TNS3: variants seen among roughly 807,000 people sequenced by gnomAD.
The protein encoded by TNS3 is tensin-3.
A neutral mutation model predicts 140.9 loss-of-function variants in TNS3; 45 were observed. The ratio of observed to expected loss-of-function variants is 0.32; its 90% CI spans 0.25 to 0.41. The LOEUF (loss-of-function observed/expected upper bound fraction) is 0.41. Among genes scored for constraint, TNS3 ranks in the 10% least tolerant of loss-of-function variants. TNS3 has a pLI of 1.00. For synonymous variants in TNS3, 815 were observed against 788.4 expected, an observed-to-expected ratio of 1.03 and a Z score of -0.56; for missense variants, 1,716 against 1,906.7, an observed-to-expected ratio of 0.90 and a Z score of 1.86.
intron 10 of TNS3, among the ~76,000 whole-genome samples, chr7:47,423,211 C>T (rs1318241140): frequency 6.6e-6 from 1 of 152,196 alleles, no homozygotes; most frequent in African/African-American, 2.4e-5. Flanking sequence ...TACCTGTCTC[C>T]AAAACGGAAC....
chr7:47,294,790 T>C (rs1369089173), intron 24 of TNS3, among the ~76,000 whole-genome samples: 1 of 152,316 alleles, frequency 6.6e-6, no homozygotes, highest in East Asian at 1.9e-4. Flanking sequence ...TAAAAGGCTG[T>C]GTTGAATTAA....
chr7:47,355,193 G>A (rs1347810067), intron 17 of TNS3, among the ~76,000 whole-genome samples: 7 of 152,222 alleles, frequency 4.6e-5, no homozygotes, highest in Non-Finnish European at 2.9e-5. Context: ...CACGCCCAGC[G>A]GGATCTGGGA....
At chr7:47,305,151 C>A (rs1440764461) in intron 20 of TNS3, 148 bp from the exon 21 acceptor site, 1 of 555,994 alleles carries the variant, frequency 1.8e-6, no homozygotes, top group Non-Finnish European at 2.7e-6. Flanking sequence ...ACATCACTAC[C>A]CGTAATAGGC....
intron 13 of TNS3, among the ~76,000 whole-genome samples, chr7:47,402,547 G>C (rs921036145): frequency 6.6e-6 from 1 of 152,224 alleles, no homozygotes; most frequent in African/African-American, 2.4e-5. Flanking sequence ...GATGTTCTGA[G>C]AGTATCTGGG....
Position 47,393,175 on chromosome 7 carries a change from C to A in TNS3, c.1024+3625G>T, listed in dbSNP as rs185231932. ...TTTAGAAATCATGCCAAAAATACAC[C>A]AATGACGAGTGCTTCATCTCTAGAC... On this transcript the variant is annotated intron_variant, in intron 16 of 30. Coordinates refer to ENST00000311160, the MANE Select transcript of TNS3 (RefSeq NM_022748.12). Among the ~76,000 whole-genome samples, 264 of 152,292 alleles carry A rather than the reference C, an allele frequency of 1.7e-3. 1 individual carries two copies. Among genetic ancestry groups the A allele is most frequent in the Middle Eastern group, 6.8e-3 (2 of 294 alleles).
In TNS3 at chr7:47,275,631, G is replaced by C; in HGVS notation, c.*2445C>G. 2.7e-6 allele frequency: 1 copy of C among 367,110 alleles called. No homozygotes were observed. The highest frequency in any genetic ancestry group is 2.1e-5 in the South Asian group (1 of 48,602). The allele number at this position is 367,110 out of a possible 1,614,324, so 22.7% of individuals were successfully genotyped here. On this transcript the variant is annotated 3_prime_UTR_variant, in exon 31 of 31. Coordinates refer to ENST00000311160, the MANE Select transcript of TNS3 (RefSeq NM_022748.12). Reference sequence around the variant, plus strand: ...TCTGTGATGACACACAGCTTGTTCTGTTTAATGCACATGTAACACAAAAGG... The same window carrying C: ...TCTGTGATGACACACAGCTTGTTCTCTTTAATGCACATGTAACACAAAAGG...
At chr7:47,350,559 C>T (rs1359002157) in intron 17 of TNS3, among the ~76,000 whole-genome samples, 1 of 152,158 alleles carries the variant, frequency 6.6e-6, no homozygotes, top group African/African-American at 2.4e-5. Flanking sequence ...TTGCTCAAGG[C>T]GTTGCTACCG....
intron 20 of TNS3, among the ~76,000 whole-genome samples, chr7:47,309,347 C>T (rs551304107): frequency 6.6e-6 from 1 of 151,780 alleles, no homozygotes; most frequent in African/African-American, 2.4e-5. Context: ...TTATTGAAAA[C>T]TCTATAAATT....
intron 4 of TNS3, among the ~76,000 whole-genome samples, chr7:47,474,502 TACAC>T (rs967740532): frequency 7.3e-6 from 1 of 136,096 alleles, no homozygotes; most frequent in Admixed American, 7.3e-5. Flanking sequence ...CACAGACATG[TACAC>T]ACACACAACA....
chr7:47,479,878 G>A lies in TNS3; in HGVS notation c.-76+1225C>T, dbSNP rs187904555. On this transcript the variant is annotated intron_variant, in intron 4 of 30. Transcript: ENST00000311160. ...TGGCCATTGCATAAAGGAGAAAACC[G>A]AGGCTCAGGTGGGCAGGGGGCGAGG... is the stretch of plus-strand genomic sequence containing the variant. 5.5e-4 allele frequency among the ~76,000 whole-genome samples: 83 copies of A among 152,262 alleles called. 2 individuals carry two copies. In the East Asian group the frequency reaches 0.014, roughly 26 times the overall value.
chr7:47,322,454 G>A (rs569675647), intron 20 of TNS3, among the ~76,000 whole-genome samples: 5 of 151,984 alleles, frequency 3.3e-5, no homozygotes, highest in South Asian at 4.2e-4. Context: ...CCCGGGAGGC[G>A]GAGGTTGCAG....
At chr7:47,398,310 C>A (rs1792950974) in intron 15 of TNS3, among the ~76,000 whole-genome samples, 1 of 151,898 alleles carries the variant, frequency 6.6e-6, no homozygotes, top group South Asian at 2.1e-4. Flanking sequence ...CTAACTCATT[C>A]TATGAAGCCA....
intron 1 of TNS3, among the ~76,000 whole-genome samples, chr7:47,565,376 T>A (rs1800407567): frequency 6.7e-6 from 1 of 150,114 alleles, no homozygotes; most frequent in Non-Finnish European, 1.5e-5. Context: ...CGCCCGGCCT[T>A]TTTTTTTGGA....
intron 2 of TNS3, among the ~76,000 whole-genome samples, chr7:47,528,454 C>G (rs900923826): frequency 3.9e-5 from 6 of 152,154 alleles, no homozygotes; most frequent in Non-Finnish European, 7.3e-5. Context: ...CCTAGTGACT[C>G]CCTCTGTGTG....
chr7:47,309,530 A>G (rs984751288), intron 20 of TNS3, among the ~76,000 whole-genome samples: 12 of 152,222 alleles, frequency 7.9e-5, no homozygotes, highest in Admixed American at 7.2e-4. Flanking sequence ...CACCTCACCG[A>G]TAAATAGGAT....
chr7:47,581,939 C>T (rs1784546097), intron 1 of TNS3, 112 bp downstream of exon 1: 1 of 151,918 alleles, frequency 6.6e-6, no homozygotes, highest in South Asian at 2.1e-4. Context: ...CTCCAGATCT[C>T]TGTGCTCCCC....
At chr7:47,331,082 G>A (rs189339166) in intron 20 of TNS3, among the ~76,000 whole-genome samples, 2 of 152,312 alleles carry the variant, frequency 1.3e-5, no homozygotes, top group East Asian at 1.9e-4. Flanking sequence ...AGGAACTTCA[G>A]ATGCTTTATG....
intron 16 of TNS3, among the ~76,000 whole-genome samples, chr7:47,380,061 G>A (rs947385086): frequency 6.6e-6 from 1 of 152,278 alleles, no homozygotes. Flanking sequence ...CGACTCAGGA[G>A]CTGGGCCAGA....
chr7:47,406,181 G>A (rs1793437242), intron 13 of TNS3, among the ~76,000 whole-genome samples: 2 of 152,142 alleles, frequency 1.3e-5, no homozygotes, highest in African/African-American at 4.8e-5. Context: ...TTAAGAATCT[G>A]ACCTTTTGGG....
Sources: gnomAD v4.1 joint callset for allele counts (sites outside exome capture counted in the v4.1 genomes callset) on GRCh38, gnomAD v4.1.1 for gene constraint, MANE v1.5 for transcripts, NCBI Gene and HGNC (gene_info 2026-07-23, HGNC 2026-07-21) for gene names.